Variants in TBC1D12 observed in about 807,000 individuals in gnomAD.
TBC1D12 encodes TBC1 domain family member 12, also known as TBC1 domain family, member 12.
In TBC1D12, 56 loss-of-function variants were observed where a neutral mutation model predicts 86.7. The ratio of observed to expected loss-of-function variants is 0.65; its 90% CI spans 0.52 to 0.81. The LOEUF (loss-of-function observed/expected upper bound fraction) is 0.81. TBC1D12 is among the 30% of genes least tolerant of loss of function. The pLI, the probability that TBC1D12 is intolerant of heterozygous loss-of-function variation, is 0.00. For synonymous variants in TBC1D12, 421 were observed against 411.7 expected (o/e 1.02, Z -0.27); for missense variants, 1,023 against 1,038.8 (o/e 0.98, Z 0.21).
intron 2 of TBC1D12, among the ~76,000 whole-genome samples, chr10:94,460,028 G>T (rs2055700885): frequency 6.6e-6 from 1 of 152,052 alleles, no homozygotes; most frequent in Non-Finnish European, 1.5e-5. Context: ...AGTGAGCAAG[G>T]GCTGCCAGCA....
chr10:94,436,276 C>T (rs2055295459), intron 1 of TBC1D12, among the ~76,000 whole-genome samples: 1 of 151,982 alleles, frequency 6.6e-6, no homozygotes, highest in Non-Finnish European at 1.5e-5. Flanking sequence ...GCTGTGACTA[C>T]AGGCGCGCGC....
chr10:94,523,192 C>CAAAAAAAAAA (rs33935088), intron 11 of TBC1D12, among the ~76,000 whole-genome samples: 2 of 44,108 alleles, frequency 4.5e-5, no homozygotes, highest in Non-Finnish European at 8.0e-5. Context: ...AACTCTATCT[C>CAAAAAAAAAA]AAAAAAAAAA....
intron 6 of TBC1D12, among the ~76,000 whole-genome samples, chr10:94,504,885 G>A (rs2056441568): frequency 6.6e-6 from 1 of 152,164 alleles, no homozygotes; most frequent in South Asian, 2.1e-4. Flanking sequence ...CAAGTCCAAA[G>A]TATCATCTTT....
At chr10:94,525,123 T>A (rs1205239700) in intron 11 of TBC1D12, among the ~76,000 whole-genome samples, 2 of 152,196 alleles carry the variant, frequency 1.3e-5, no homozygotes, top group African/African-American at 4.8e-5. Context: ...AACTACAACA[T>A]GACCAACACT....
intron 1 of TBC1D12, 71 bp from the exon 2 acceptor site, chr10:94,441,825 A>C: frequency 2.0e-6 from 3 of 1,504,336 alleles, no homozygotes; most frequent in Non-Finnish European, 2.7e-6. Flanking sequence ...GAACAAACTT[A>C]TTATAAAATT....
rs2056147146 is a variant in TBC1D12, at chr10:94,485,546, T to TC, written c.1212-7819_1212-7818insC. Among the ~76,000 whole-genome samples the TC allele has an allele frequency of 2.1e-5, 3 of 145,200 alleles. 1 individual carries two copies. The East Asian group carries it at 5.9e-4, about 29-fold the overall frequency. On this transcript the variant is annotated intron_variant, in intron 3 of 12. Coordinates refer to ENST00000225235, the MANE Select transcript of TBC1D12 (RefSeq NM_015188.2). ...AGGGATATTGGCCTGTAGTTTTCCTTTTTTTTTTTTTTTTTTAGTGTGTCT... is the reference window on the plus strand; with the variant it reads ...AGGGATATTGGCCTGTAGTTTTCCTTCTTTTTTTTTTTTTTTTAGTGTGTCT...
In TBC1D12 at chr10:94,507,183, A is replaced by G. The variant is rs532214121; in HGVS notation, c.1520-84A>G. On this transcript the variant is annotated intron_variant, in intron 6 of 12. Transcript: ENST00000225235. ...GCTACATCAGAGAGACCTGACCTGT[A>G]ATAGGTAAAGAGTAAAAATTAAAAT... The G allele has an allele frequency of 8.0e-4, 1,074 of 1,346,406 alleles. 2 individuals carry two copies. The highest frequency in any genetic ancestry group is 4.4e-4 in the Non-Finnish European group (427 of 963,562). 83.4% of individuals were successfully genotyped at this position (1,346,406 alleles called of 1,614,324 possible). A position where few individuals can be genotyped will look rare whatever the true frequency, so the allele number is the denominator to read the frequency against.
intron 1 of TBC1D12, among the ~76,000 whole-genome samples, chr10:94,425,703 A>G (rs982934110): frequency 1.3e-5 from 2 of 152,274 alleles, no homozygotes; most frequent in African/African-American, 4.8e-5. Flanking sequence ...GGCTTTCCAT[A>G]TTGATTTTAG....
intron 2 of TBC1D12, among the ~76,000 whole-genome samples, chr10:94,467,040 T>C (rs1354807459): frequency 2.0e-5 from 3 of 152,190 alleles, no homozygotes; most frequent in Admixed American, 2.0e-4. Flanking sequence ...TATGGTTTTC[T>C]GGGAGAAATA....
In TBC1D12 at chr10:94,465,744, A is replaced by G. The variant is rs542087031; in HGVS notation, c.1096-8924A>G. Among the ~76,000 whole-genome samples, 107 of 151,344 alleles carry G rather than the reference A, an allele frequency of 7.1e-4. 2 individuals are homozygous for G. The highest frequency in any genetic ancestry group is 1.3e-3 in the Non-Finnish European group (90 of 67,764). On this transcript the variant is annotated intron_variant, in intron 2 of 12. Transcript: ENST00000225235. ...CATACATACATACATACGTATACAT[A>G]CATACATATGTATACATACATACGT...
chr10:94,529,341 G>C (rs941502463), intron 11 of TBC1D12, among the ~76,000 whole-genome samples: 8 of 152,134 alleles, frequency 5.3e-5, no homozygotes, highest in African/African-American at 1.9e-4. Flanking sequence ...GTTATTGGCT[G>C]GGCACAGTGG....
chr10:94,476,076 A>C (rs763760170), intron 3 of TBC1D12, among the ~76,000 whole-genome samples: 1 of 151,974 alleles, frequency 6.6e-6, no homozygotes, highest in Non-Finnish European at 1.5e-5. Flanking sequence ...AGTAGCCAGG[A>C]CTACACGCGC....
At chr10:94,494,792 C>T (rs2056293322) in intron 4 of TBC1D12, among the ~76,000 whole-genome samples, 1 of 152,182 alleles carries the variant, frequency 6.6e-6, no homozygotes, top group South Asian at 2.1e-4. Context: ...GATCCACCCA[C>T]CTCGGCCTCC....
chr10:94,461,034 T>G (rs1483768388), intron 2 of TBC1D12, among the ~76,000 whole-genome samples: 11 of 152,230 alleles, frequency 7.2e-5, no homozygotes, highest in Admixed American at 7.2e-4. Context: ...CGAATTCTGG[T>G]TTGATAATTC....
Position 94,497,090 on chromosome 10 carries a change from A to C in TBC1D12, c.1330A>C (p.Lys444Gln). The C allele has an allele frequency of 5.1e-6, 8 of 1,569,078 alleles. No individual in the cohort carries two copies. Among genetic ancestry groups the C allele is most frequent in the Non-Finnish European group, 6.9e-6 (8 of 1,164,746 alleles). Residue 444 changes from lysine (K) to glutamine (Q), a missense_variant, in exon 5 of 13, where the codon AAA (lysine) becomes CAA (glutamine). Lys to Gln is a moderately conservative substitution (Grantham distance 53, BLOSUM62 1). Transcript: ENST00000225235. ...AGCACATAAAAGAAAAAGAATCATGAAAGAACGATTTAAGCAGGAAGAAAA... is the reference window on the plus strand; with the variant it reads ...AGCACATAAAAGAAAAAGAATCATGCAAGAACGATTTAAGCAGGAAGAAAA... ...KEAHKRKRIM[K>Q]ERFKQEENIA...
intron 1 of TBC1D12, among the ~76,000 whole-genome samples, chr10:94,405,155 C>T (rs2054837445): frequency 6.6e-6 from 1 of 151,686 alleles, no homozygotes; most frequent in African/African-American, 2.4e-5. Flanking sequence ...GAAAATATTC[C>T]CAACTTGTAA....
intron 2 of TBC1D12, among the ~76,000 whole-genome samples, chr10:94,470,742 A>G (rs1341530671): frequency 8.4e-6 from 1 of 119,492 alleles, no homozygotes; most frequent in East Asian, 2.3e-4. Context: ...GTGCTGCTAT[A>G]TAATTTGTAA....
chr10:94,517,016 G>T (rs1842010013), intron 9 of TBC1D12, among the ~76,000 whole-genome samples: 3 of 151,386 alleles, frequency 2.0e-5, no homozygotes, highest in Admixed American at 6.6e-5. Flanking sequence ...CCAAAGTGCT[G>T]GGTTTATGTA....
chr10:94,519,884 T>G (rs1391226215), intron 9 of TBC1D12, among the ~76,000 whole-genome samples: 1 of 152,186 alleles, frequency 6.6e-6, no homozygotes, highest in African/African-American at 2.4e-5. Context: ...CTCAAGATCC[T>G]TGACTTAATC....
Sources: allele counts gnomAD v4.1 joint callset (sites outside exome capture counted in the v4.1 genomes callset), GRCh38; gene constraint gnomAD v4.1.1; transcripts MANE v1.5; gene names NCBI Gene and HGNC (gene_info 2026-07-23, HGNC 2026-07-21).